KAZN: variants seen among roughly 807,000 people sequenced by gnomAD.
KAZN encodes kazrin.
In KAZN, 40 loss-of-function variants were observed where a neutral mutation model predicts 87.4. The observed-to-expected ratio is 0.46, with a 90% CI of 0.36 to 0.60. The LOEUF (loss-of-function observed/expected upper bound fraction) is 0.60. Ranked by LOEUF, KAZN falls within the 20% of genes least tolerant of loss-of-function variation. The pLI is 0.00. For synonymous variants in KAZN, 466 were observed against 458.3 expected (o/e 1.02, Z -0.22); for missense variants, 898 against 1,073.9 (o/e 0.84, Z 2.29).
At chr1:14,864,731 C>A (rs948030905) in intron 1 of KAZN, among the ~76,000 whole-genome samples, 10 of 152,150 alleles carry the variant, frequency 6.6e-5, no homozygotes, top group African/African-American at 2.4e-4. Flanking sequence ...ATCTGACAGG[C>A]TACCTGCTGT....
rs1385772899 is a variant in KAZN at position 14,354,851 on chromosome 1, T to A, written c.249+174259T>A. On this transcript the variant is annotated intron_variant, in intron 2 of 16. Coordinates refer to the KAZN transcript ENST00000636203. ...TATGACCCAGCAATTCCTAGGTATT[T>A]ACCAAAGAGAAATGAAAATGTATGT... Among the ~76,000 whole-genome samples, 4 of 152,174 alleles carry A rather than the reference T, an allele frequency of 2.6e-5. No homozygotes were observed. In the East Asian group the frequency reaches 5.8e-4, roughly 22 times the overall value.
chr1:14,777,214 T>G (rs1191878028), intron 1 of KAZN, among the ~76,000 whole-genome samples: 1 of 151,760 alleles, frequency 6.6e-6, no homozygotes, highest in African/African-American at 2.4e-5. Context: ...GCCAGGATGG[T>G]CTCGAGCTCC....
At chr1:14,009,450 A>G (rs1052426598) in intron 1 of KAZN, among the ~76,000 whole-genome samples, 18 of 152,222 alleles carry the variant, frequency 1.2e-4, no homozygotes, top group African/African-American at 4.1e-4. Context: ...TAAAGATTCC[A>G]GTGTCTCCAC....
intron 1 of KAZN, among the ~76,000 whole-genome samples, chr1:14,942,282 T>A (rs1283675356): frequency 1.3e-5 from 2 of 152,020 alleles, no homozygotes; most frequent in Non-Finnish European, 2.9e-5. Context: ...TTATTGCAGA[T>A]GTGTCGGGAA....
At chr1:14,506,694 T>C (rs1376365220) in intron 2 of KAZN, among the ~76,000 whole-genome samples, 1 of 152,230 alleles carries the variant, frequency 6.6e-6, no homozygotes, top group East Asian at 1.9e-4. Context: ...CGATAAATTT[T>C]AGCTCTCATT....
upstream of KAZN, among the ~76,000 whole-genome samples, chr1:14,595,038 G>C (rs1265597997): frequency 6.6e-6 from 1 of 151,998 alleles, no homozygotes; most frequent in African/African-American, 2.4e-5. Flanking sequence ...CCAGCTACTC[G>C]GGAGGCTGAG....
chr1:14,853,502 A>T (rs915085186), intron 1 of KAZN, among the ~76,000 whole-genome samples: 1 of 152,110 alleles, frequency 6.6e-6, no homozygotes, highest in Non-Finnish European at 1.5e-5. Context: ...TTACATGCCA[A>T]AGCTGCAGAG....
intron 2 of KAZN, among the ~76,000 whole-genome samples, chr1:14,481,569 C>G (rs1239862900): frequency 6.6e-6 from 1 of 151,816 alleles, no homozygotes; most frequent in Non-Finnish European, 1.5e-5. Flanking sequence ...TCTCAGATGG[C>G]AAGAATAAGG....
intron 2 of KAZN, among the ~76,000 whole-genome samples, chr1:15,008,933 C>T (rs959099170): frequency 2.0e-5 from 3 of 152,224 alleles, no homozygotes; most frequent in African/African-American, 7.2e-5. Context: ...CTGTTATTCC[C>T]CCCTGGACAA....
intron 1 of KAZN, among the ~76,000 whole-genome samples, chr1:14,875,481 T>TC (rs1652662788): frequency 8.1e-6 from 1 of 123,020 alleles, no homozygotes; most frequent in East Asian, 2.3e-4. Flanking sequence ...CCTTAATTTA[T>TC]TAAAAAAAAA....
intron 2 of KAZN, among the ~76,000 whole-genome samples, chr1:14,491,499 G>T (rs1669647427): frequency 6.6e-6 from 1 of 151,988 alleles, no homozygotes; most frequent in Non-Finnish European, 1.5e-5. Flanking sequence ...TCCCCTCCCT[G>T]TGTCCATGTT....
At chr1:14,259,037 G>T (rs1650800277) in intron 2 of KAZN, among the ~76,000 whole-genome samples, 1 of 152,130 alleles carries the variant, frequency 6.6e-6, no homozygotes, top group African/African-American at 2.4e-5. Context: ...GGTCTGTCAG[G>T]TTATTGACAT....
intron 2 of KAZN, among the ~76,000 whole-genome samples, chr1:14,410,931 C>CT (rs1455904376): frequency 6.6e-6 from 1 of 152,202 alleles, no homozygotes; most frequent in Non-Finnish European, 1.5e-5. Flanking sequence ...TTCTGGCCTC[C>CT]AGAACTGGAA....
chr1:14,611,220 A>C (rs1677792565), intron 1 of KAZN, among the ~76,000 whole-genome samples: 1 of 152,204 alleles, frequency 6.6e-6, no homozygotes, highest in Non-Finnish European at 1.5e-5. Flanking sequence ...TGGCAAGTCC[A>C]ATGGCTGGGA....
intron 1 of KAZN, among the ~76,000 whole-genome samples, chr1:14,956,457 C>G (rs1020526350): frequency 2.0e-5 from 3 of 151,884 alleles, no homozygotes; most frequent in Non-Finnish European, 4.4e-5. Context: ...AAAAATTACC[C>G]AGGCGTGGTG....
chr1:14,838,116 C>T (rs896767049), intron 1 of KAZN, among the ~76,000 whole-genome samples: 1 of 152,128 alleles, frequency 6.6e-6, no homozygotes, highest in African/African-American at 2.4e-5. Flanking sequence ...TCCAAGATGG[C>T]GCCTTGGGGC....
At chr1:14,776,609 T>C (rs986786240) in intron 1 of KAZN, among the ~76,000 whole-genome samples, 1 of 152,150 alleles carries the variant, frequency 6.6e-6, no homozygotes, top group African/African-American at 2.4e-5. Context: ...GCTAAGGACA[T>C]CACGGATATC....
At chr1:14,436,728 A>AAAAAAAAAAAAAC (rs1553172253) in intron 2 of KAZN, among the ~76,000 whole-genome samples, 6 of 29,346 alleles carry the variant, frequency 2.0e-4, no homozygotes, top group African/African-American at 9.1e-4. Flanking sequence ...AAAAAAAAAA[A>AAAAAAAAAAAAAC]AAAAAAAAAA....
At chr1:14,525,544 G>T (rs1671817144) in intron 2 of KAZN, among the ~76,000 whole-genome samples, 1 of 123,064 alleles carries the variant, frequency 8.1e-6, no homozygotes, top group Admixed American at 7.9e-5. Context: ...ACAATATTAT[G>T]ATCCTTTTGA....
Sources: allele counts gnomAD v4.1 joint callset (sites outside exome capture counted in the v4.1 genomes callset), GRCh38; gene constraint gnomAD v4.1.1; transcripts MANE v1.5; gene names NCBI Gene and HGNC (gene_info 2026-07-23, HGNC 2026-07-21).